MYZAP: variants seen among roughly 807,000 people sequenced by gnomAD.
The protein encoded by MYZAP is myocardial zonula adherens protein.
MYZAP carries 66 observed loss-of-function variants against 69.4 expected under a neutral mutation model. The observed-to-expected ratio is 0.95, with a 90% CI of 0.78 to 1.17. MYZAP has a LOEUF of 1.17. Ranked by LOEUF, MYZAP falls within the 50% of genes most tolerant of loss-of-function variation. The pLI, the probability that MYZAP is intolerant of heterozygous loss-of-function variation, is 0.00. For missense variants in MYZAP, 611 were observed against 556.2 expected, an observed-to-expected ratio of 1.10 and a Z score of -0.99; for synonymous variants, 256 against 205.9, an observed-to-expected ratio of 1.24 and a Z score of -2.09.
intron 10 of MYZAP, among the ~76,000 whole-genome samples, chr15:57,652,960 G>A (rs770052696): frequency 3.9e-5 from 6 of 152,024 alleles, no homozygotes; most frequent in African/African-American, 7.2e-5. Flanking sequence ...TAGTAATCTC[G>A]TTTTGATTAG....
chr15:57,617,537 TA>T (rs148340615), intron 2 of MYZAP, among the ~76,000 whole-genome samples: 1 of 152,276 alleles, frequency 6.6e-6, no homozygotes, highest in African/African-American at 2.4e-5. Flanking sequence ...ACAGGTTATG[TA>T]CTAACACTAC....
chr15:57,667,637 A>G (rs1559775), intron 11 of MYZAP, among the ~76,000 whole-genome samples: 131,785 of 152,218 alleles, frequency 0.87, 59,016 homozygotes, highest in Non-Finnish European at 0.97. Context: ...ATTTTTAAAG[A>G]CTTTTCTTAA....
rs377293988 is a variant in MYZAP, at chr15:57,593,981, TACC to T, written c.75+1873_75+1875del. ...AAAGGGCTGGCATTGGGGTCCGCCC[TACC>T]TGTAGAGGCAGACATTTTCCCAAAC... On this transcript the variant is annotated intron_variant, in intron 1 of 12. Transcript: ENST00000267853. Among the ~76,000 whole-genome samples the T allele has an allele frequency of 8.3e-4, 127 of 152,350 alleles. 1 individual carries two copies. The highest frequency in any genetic ancestry group is 2.9e-3 in the African/African-American group (122 of 41,572).
intron 1 of MYZAP, among the ~76,000 whole-genome samples, chr15:57,600,768 A>T (rs61600143): frequency 0.094 from 14,256 of 152,282 alleles, 743 homozygotes; most frequent in Admixed American, 0.13. Flanking sequence ...ATATAGGATG[A>T]TGATAATATC....
intron 1 of MYZAP, among the ~76,000 whole-genome samples, chr15:57,596,403 G>A (rs2034061369): frequency 6.6e-6 from 1 of 152,162 alleles, no homozygotes; most frequent in South Asian, 2.1e-4. Context: ...TAGAGACCAT[G>A]TTAAATATTT....
chr15:57,650,030 G>GT, intron 10 of MYZAP, among the ~76,000 whole-genome samples: 1 of 152,338 alleles, frequency 6.6e-6, no homozygotes, highest in Non-Finnish European at 1.5e-5. Context: ...GCAAATGATA[G>GT]TTGCTCAATA....
Position 57,593,212 on chromosome 15 carries a change from A to ACACACACACACACACACACACACT in MYZAP, c.75+1106_75+1107insACACACACACACACACACACTCAC, listed in dbSNP as rs770540454. On this transcript the variant is annotated intron_variant, in intron 1 of 12. Coordinates refer to ENST00000267853, the MANE Select transcript of MYZAP (RefSeq NM_001018100.5). ...CGCACACACACACACACACACACAC[A>ACACACACACACACACACACACACT]CACCCCAGAATCCATCAGTTGGCTC... 9.6e-5 allele frequency among the ~76,000 whole-genome samples: 12 copies of ACACACACACACACACACACACACT among 124,986 alleles called. No individual in the cohort carries two copies. The South Asian group carries it at 1.0e-3, about 11-fold the overall frequency. 82.0% of individuals were successfully genotyped at this position (124,986 alleles called of 152,430 possible). A position where few individuals can be genotyped will look rare whatever the true frequency, so the allele number is the denominator to read the frequency against.
At chr15:57,602,794 G>A (rs2034500739) in intron 1 of MYZAP, among the ~76,000 whole-genome samples, 1 of 152,150 alleles carries the variant, frequency 6.6e-6, no homozygotes, top group African/African-American at 2.4e-5. Context: ...GAAAAATGGG[G>A]CAGGTAAGAG....
intron 5 of MYZAP, among the ~76,000 whole-genome samples, chr15:57,628,293 T>TG (rs1391770395): frequency 6.6e-6 from 1 of 152,092 alleles, no homozygotes. Flanking sequence ...TTTTTAGAGA[T>TG]GGGGTCTTGC....
intron 10 of MYZAP, chr15:57,648,180 A>C: frequency 1.0e-6 from 1 of 985,296 alleles, no homozygotes; most frequent in East Asian, 1.1e-4. Flanking sequence ...GTATCAGCAC[A>C]ATTGTGGCAG....
Position 57,625,686 on chromosome 15 carries a change from T to C in MYZAP, c.412-93T>C, listed in dbSNP as rs376366961. 29 of 1,096,722 alleles carry C rather than the reference T, an allele frequency of 2.6e-5. No individual in the cohort carries two copies. The East Asian group carries it at 6.4e-4, about 24-fold the overall frequency. 67.9% of individuals were successfully genotyped at this position (1,096,722 alleles called of 1,614,324 possible). ...ACTTTAGATATTGTTGAAGTAGATG[T>C]GGCTTCTAACAGAAGAAAGTTCCAG... On this transcript the variant is annotated intron_variant, in intron 4 of 12. Transcript: ENST00000267853.
At chr15:57,625,744 T>C (rs1336568793) in intron 4 of MYZAP, 35 bp from the exon 5 acceptor site, 1 of 1,600,864 alleles carries the variant, frequency 6.2e-7, no homozygotes. Flanking sequence ...CGTGTAGGGA[T>C]TGATTTTGTG....
At chr15:57,613,108 A>G (rs1225553004) in intron 2 of MYZAP, among the ~76,000 whole-genome samples, 3 of 151,018 alleles carry the variant, frequency 2.0e-5, no homozygotes, top group Non-Finnish European at 4.4e-5. Flanking sequence ...ATTTTTTTGT[A>G]TTTTTATTAG....
At chr15:57,661,574 A>G (rs1384489650) in intron 11 of MYZAP, 41 bp downstream of exon 11, 4 of 1,517,064 alleles carry the variant, frequency 2.6e-6, no homozygotes, top group Non-Finnish European at 3.6e-6. Flanking sequence ...CTTCCCTACC[A>G]TTAAATTTTA....
At position 57,653,832 on chromosome 15, in the gene MYZAP, C is replaced by G. The variant is rs7167650; in HGVS notation, c.1120-7618C>G. Among the ~76,000 whole-genome samples, 704 of 151,732 alleles carry G rather than the reference C, an allele frequency of 4.6e-3. 4 individuals are homozygous for G. Among genetic ancestry groups the G allele is most frequent in the African/African-American group, 0.016 (663 of 41,360 alleles). ...ACAGCCTAAGTAACATAGCGAGACC[C>G]TGTCTCTACAAAAAATTAAAAAATT... On this transcript the variant is annotated intron_variant, in intron 10 of 12. Transcript: ENST00000267853.
chr15:57,644,182 G>T (rs1263656300), intron 10 of MYZAP, among the ~76,000 whole-genome samples: 1 of 152,178 alleles, frequency 6.6e-6, no homozygotes, highest in African/African-American at 2.4e-5. Flanking sequence ...CAGAGCGGTG[G>T]CCTGACTCTC....
chr15:57,632,756 C>T (rs1412628568), intron 7 of MYZAP, among the ~76,000 whole-genome samples, 197 bp downstream of exon 7: 1 of 152,188 alleles, frequency 6.6e-6, no homozygotes, highest in African/African-American at 2.4e-5. Context: ...CCCGTCTCTA[C>T]TCAGAATAGC....
intron 4 of MYZAP, among the ~76,000 whole-genome samples, chr15:57,624,069 T>A (rs954983663): frequency 3.9e-5 from 6 of 152,220 alleles, no homozygotes; most frequent in Admixed American, 1.3e-4. Flanking sequence ...TATAAAAATA[T>A]AAAAGTAACT....
chr15:57,663,669 G>A (rs1429836159), intron 11 of MYZAP, among the ~76,000 whole-genome samples: 4 of 152,104 alleles, frequency 2.6e-5, no homozygotes, highest in Middle Eastern at 3.2e-3. Flanking sequence ...GCCTGCCCTC[G>A]GCAGAGCCAG....
Sources: allele counts gnomAD v4.1 joint callset (sites outside exome capture counted in the v4.1 genomes callset), GRCh38; gene constraint gnomAD v4.1.1; transcripts MANE v1.5; gene names NCBI Gene and HGNC (gene_info 2026-07-23, HGNC 2026-07-21).